SHISA9: variants seen among roughly 807,000 people sequenced by gnomAD.
SHISA9 encodes the protein protein shisa-9.
In SHISA9, 13 loss-of-function variants were observed where a neutral mutation model predicts 38.0. That is an observed-to-expected ratio of 0.34 (90% CI 0.22 to 0.54). The LOEUF (loss-of-function observed/expected upper bound fraction) is 0.54. Ranked by LOEUF, SHISA9 falls within the 20% of genes least tolerant of loss-of-function variation. The probability of loss-of-function intolerance (pLI) is 0.91; values close to 1 mark genes in which losing one functional copy is unlikely to be tolerated. For missense variants in SHISA9, 538 were observed against 575.8 expected, an observed-to-expected ratio of 0.93 and a Z score of 0.67; for synonymous variants, 275 against 242.0, an observed-to-expected ratio of 1.14 and a Z score of -1.27.
the SHISA9 span, among the ~76,000 whole-genome samples, chr16:13,544,064 G>A: frequency 6.6e-6 from 1 of 152,236 alleles, no homozygotes; most frequent in African/African-American, 2.4e-5. Context: ...TAAGTGTAAA[G>A]GGTATGACAT....
chr16:12,973,003 CT>C (rs1435315265), intron 2 of SHISA9, among the ~76,000 whole-genome samples: 7 of 152,126 alleles, frequency 4.6e-5, no homozygotes, highest in African/African-American at 1.7e-4. Flanking sequence ...GTAATCCCAG[CT>C]ACTTGGGAGG....
At chr16:13,528,953 C>A in the SHISA9 span, among the ~76,000 whole-genome samples, 8 of 152,258 alleles carry the variant, frequency 5.3e-5, 1 homozygote, top group Admixed American at 4.6e-4. Flanking sequence ...ACTTACTTAA[C>A]TTTTTAGACC....
intron 2 of SHISA9, among the ~76,000 whole-genome samples, chr16:13,098,418 T>A (rs866584614): frequency 4.6e-5 from 7 of 152,224 alleles, no homozygotes; most frequent in African/African-American, 1.4e-4. Context: ...TGTTACCATA[T>A]ACCCATTAAG....
chr16:13,311,705 T>C, the SHISA9 span, among the ~76,000 whole-genome samples: 1 of 152,224 alleles, frequency 6.6e-6, no homozygotes, highest in African/African-American at 2.4e-5. Context: ...ATTGTTCTCG[T>C]TGGTTCCTTC....
chr16:13,457,684 T>C, the SHISA9 span, among the ~76,000 whole-genome samples: 189 of 151,950 alleles, frequency 1.2e-3, no homozygotes, highest in African/African-American at 4.1e-3. Flanking sequence ...CCCACTTGCA[T>C]TGAGTTTCTT....
chr16:12,951,009 A>T (rs748969404), intron 2 of SHISA9, among the ~76,000 whole-genome samples: 1 of 149,746 alleles, frequency 6.7e-6, no homozygotes, highest in Non-Finnish European at 1.5e-5. Context: ...ATCACTTGAG[A>T]TCAGGAGTTC....
At chr16:13,489,268 T>C in the SHISA9 span, among the ~76,000 whole-genome samples, 2 of 152,178 alleles carry the variant, frequency 1.3e-5, no homozygotes, top group Admixed American at 6.5e-5. Flanking sequence ...CAGCCTGGTC[T>C]TGAATTCCTG....
chr16:13,361,437 C>A, the SHISA9 span, among the ~76,000 whole-genome samples: 2 of 152,220 alleles, frequency 1.3e-5, no homozygotes, highest in African/African-American at 2.4e-5. Flanking sequence ...CTCTATTAAC[C>A]TTCATTGGGT....
At chr16:13,261,230 G>C in the SHISA9 span, among the ~76,000 whole-genome samples, 1 of 152,104 alleles carries the variant, frequency 6.6e-6, no homozygotes, top group African/African-American at 2.4e-5. Context: ...CATACTCTGT[G>C]ATTGGGAATT....
chr16:13,195,919 C>G (rs2050933731), intron 2 of SHISA9, among the ~76,000 whole-genome samples: 1 of 151,340 alleles, frequency 6.6e-6, no homozygotes, highest in African/African-American at 2.4e-5. Flanking sequence ...GAAACCCTGT[C>G]TCTACTAAAA....
intron 2 of SHISA9, among the ~76,000 whole-genome samples, chr16:13,178,509 C>T (rs900016048): frequency 6.6e-6 from 1 of 152,104 alleles, no homozygotes; most frequent in Non-Finnish European, 1.5e-5. Context: ...GGTGCCCGCC[C>T]ACGACTGACA....
At chr16:13,222,929 C>A (rs1278144438) in intron 4 of SHISA9, among the ~76,000 whole-genome samples, 2 of 152,080 alleles carry the variant, frequency 1.3e-5, no homozygotes, top group Non-Finnish European at 2.9e-5. Flanking sequence ...TGGATACTTG[C>A]TATGAGGCAA....
chr16:12,965,410 C>T (rs376118031), intron 2 of SHISA9, among the ~76,000 whole-genome samples: 16 of 152,328 alleles, frequency 1.1e-4, no homozygotes, highest in African/African-American at 3.8e-4. Flanking sequence ...CCTCCTTACT[C>T]CTTTCTCCAG....
rs969291936 is a variant in SHISA9 at position 12,966,774 on chromosome 16, A to T, written c.691+49959A>T. 2.0e-5 allele frequency among the ~76,000 whole-genome samples: 3 copies of T among 152,226 alleles called. No homozygotes were observed. The South Asian group carries it at 6.2e-4, about 32-fold the overall frequency. ...ATTTACTGAGTAAATGAATGAAAAG[A>T]AAAAGAAGCCTTGGAGGAAGATGTT... On this transcript the variant is annotated intron_variant, in intron 2 of 4. Transcript: ENST00000558583.
the SHISA9 span, among the ~76,000 whole-genome samples, chr16:13,363,243 C>T: frequency 6.6e-6 from 1 of 152,194 alleles, no homozygotes; most frequent in Non-Finnish European, 1.5e-5. Context: ...AATTTAATAT[C>T]ACAACTTGAA....
chr16:13,487,346 G>T, the SHISA9 span, among the ~76,000 whole-genome samples: 2 of 152,208 alleles, frequency 1.3e-5, no homozygotes, highest in East Asian at 3.8e-4. Context: ...GTTCTGTAGG[G>T]CGTACAGGAA....
At chr16:13,234,505 A>C (rs558423745) in intron 4 of SHISA9, among the ~76,000 whole-genome samples, 1 of 152,344 alleles carries the variant, frequency 6.6e-6, no homozygotes, top group East Asian at 1.9e-4. Context: ...GTCTGGTTTA[A>C]CTGCTAAAAG....
chr16:13,204,592 A>G (rs1288813752), intron 3 of SHISA9, among the ~76,000 whole-genome samples: 1 of 152,216 alleles, frequency 6.6e-6, no homozygotes, highest in African/African-American at 2.4e-5. Flanking sequence ...TTGGTAAACA[A>G]TGCACGTTCC....
At chr16:13,293,818 ACT>A in the SHISA9 span, among the ~76,000 whole-genome samples, 1 of 152,078 alleles carries the variant, frequency 6.6e-6, no homozygotes, top group Non-Finnish European at 1.5e-5. Flanking sequence ...CAAAACAAAA[ACT>A]CTAGTGGTTG....
Sources: gnomAD v4.1 joint callset for allele counts (sites outside exome capture counted in the v4.1 genomes callset) on GRCh38, gnomAD v4.1.1 for gene constraint, MANE v1.5 for transcripts, NCBI Gene and HGNC (gene_info 2026-07-23, HGNC 2026-07-21) for gene names.